Variants in FAT3 observed in about 807,000 individuals in gnomAD.
FAT3 encodes the protein protocadherin Fat 3.
FAT3 carries 95 observed loss-of-function variants against 310.2 expected under a neutral mutation model. That is an observed-to-expected ratio of 0.31 (90% CI 0.26 to 0.36). FAT3 has a LOEUF of 0.36. FAT3 is among the 10% of genes least tolerant of loss of function. FAT3 has a pLI of 1.00. For missense variants in FAT3, 5,408 were observed against 5,715.6 expected, an observed-to-expected ratio of 0.95 and a Z score of 1.74; for synonymous variants, 2,314 against 2,192.9, an observed-to-expected ratio of 1.06 and a Z score of -1.54.
chr11:92,800,212 A>T lies in FAT3; in HGVS notation c.7199A>T (p.Glu2400Val). The change falls in exon 10 of 28, where the codon GAG (glutamate) becomes GTG (valine). Residue 2400 changes from glutamate to valine, a missense_variant. Glu to Val is a moderately radical substitution (Grantham distance 121, BLOSUM62 -2). Coordinates refer to ENST00000525166, the MANE Select transcript of FAT3 (RefSeq NM_001367949.2). ...CCAGTTTTTAATCAGCTCATTTATG[A>T]GTCATATGTGAGTGAATTAGCCCCC... ...NPPVFNQLIY[E>V]SYVSELAPRG... is the part of the protein sequence containing the mutation. 6.2e-7 allele frequency: 1 copy of T among 1,613,986 alleles called. No homozygotes were observed. Among genetic ancestry groups the T allele is most frequent in the Non-Finnish European group, 8.5e-7 (1 of 1,179,864 alleles).
At chr11:92,782,566 T>G (rs1424342746) in intron 7 of FAT3, among the ~76,000 whole-genome samples, 1 of 152,112 alleles carries the variant, frequency 6.6e-6, no homozygotes, top group Non-Finnish European at 1.5e-5. Context: ...AAAAAGTAAT[T>G]AATTAATTAA....
At chr11:92,817,585 G>A (rs562794816) in intron 13 of FAT3, among the ~76,000 whole-genome samples, 2 of 152,166 alleles carry the variant, frequency 1.3e-5, no homozygotes, top group South Asian at 2.1e-4. Context: ...GAGAGATAGC[G>A]TCTTGAACCC....
intron 3 of FAT3, among the ~76,000 whole-genome samples, chr11:92,666,716 G>T (rs1942966293): frequency 6.6e-6 from 1 of 152,058 alleles, no homozygotes; most frequent in Non-Finnish European, 1.5e-5. Flanking sequence ...GAATTGTTCT[G>T]CTAAAGTGAG....
intron 3 of FAT3, among the ~76,000 whole-genome samples, chr11:92,653,672 T>C (rs1379848): frequency 0.26 from 39,260 of 152,144 alleles, 5,785 homozygotes; most frequent in Non-Finnish European, 0.33. Context: ...TTACATTAAT[T>C]GTTTCCATAT....
chr11:92,492,612 A>G (rs1952641861), intron 2 of FAT3, among the ~76,000 whole-genome samples: 1 of 151,944 alleles, frequency 6.6e-6, no homozygotes, highest in Non-Finnish European at 1.5e-5. Context: ...AAGGTTGATA[A>G]ATCCCTTCCT....
intron 2 of FAT3, among the ~76,000 whole-genome samples, chr11:92,407,610 A>T (rs1019695158): frequency 6.6e-6 from 1 of 152,116 alleles, no homozygotes; most frequent in Non-Finnish European, 1.5e-5. Context: ...ATCAGACTGA[A>T]ATCTAATGTA....
intron 3 of FAT3, among the ~76,000 whole-genome samples, chr11:92,544,448 T>C (rs1478511114): frequency 6.6e-6 from 1 of 152,164 alleles, no homozygotes; most frequent in Non-Finnish European, 1.5e-5. Flanking sequence ...ATATGAATGC[T>C]TCAAATTATC....
At chr11:92,836,802 T>TA in intron 16 of FAT3, 99 bp downstream of exon 16, 1 of 1,373,914 alleles carries the variant, frequency 7.3e-7, no homozygotes, top group Non-Finnish European at 9.9e-7. Flanking sequence ...AGTTCTCCAT[T>TA]CTAAGTAATG....
chr11:92,823,124 C>G (rs1948013722), intron 13 of FAT3, among the ~76,000 whole-genome samples: 1 of 152,120 alleles, frequency 6.6e-6, no homozygotes, highest in South Asian at 2.1e-4. Flanking sequence ...TTCTTTGTAT[C>G]CCCAGTGCCT....
intron 3 of FAT3, among the ~76,000 whole-genome samples, chr11:92,592,674 A>G (rs928887574): frequency 2.0e-5 from 3 of 152,150 alleles, no homozygotes; most frequent in African/African-American, 2.4e-5. Context: ...AAAACAAACT[A>G]TGTTTAAAAA....
intron 1 of FAT3, among the ~76,000 whole-genome samples, chr11:92,322,822 A>C (rs1242853289): frequency 2.0e-5 from 3 of 152,246 alleles, no homozygotes; most frequent in Non-Finnish European, 4.4e-5. Flanking sequence ...TGTTCCCACC[A>C]CATCTGCCGT....
rs756205074 is a variant in FAT3, at chr11:92,801,629, G to A, written c.8616G>A (p.Thr2872=). 1.5e-5 allele frequency: 24 copies of A among 1,613,512 alleles called. No individual in the cohort carries two copies. The Admixed American group carries it at 1.8e-4, about 12-fold the overall frequency. Residue 2872 remains threonine, a synonymous_variant, in exon 10 of 28, where the codon ACG becomes ACA. Transcript: ENST00000525166. ...VMEAFNIDSN[T]GWISTLKDLD... is the part of the protein sequence containing the mutation. ...AAGCATTCAATATTGACAGCAACAC[G>A]GGCTGGATCAGTACCTTGAAGGACC...
At chr11:92,845,286 T>C (rs185463339) in intron 19 of FAT3, among the ~76,000 whole-genome samples, 106 of 152,350 alleles carry the variant, frequency 7.0e-4, no homozygotes, top group African/African-American at 2.3e-3. Flanking sequence ...AGCCATTGGC[T>C]GATGAGAAGC....
rs116328326 is a variant in FAT3 at position 92,293,465 on chromosome 11, G to A, written c.-17-58631G>A. On this transcript the variant is annotated intron_variant, in intron 1 of 27. Coordinates refer to ENST00000525166, the MANE Select transcript of FAT3 (RefSeq NM_001367949.2). ...AAATTATAATCATACTCATGATCAC[G>A]TGACCCTGATATATAACCAGTTTTC... Among the ~76,000 whole-genome samples the A allele has an allele frequency of 9.0e-3, 1,303 of 144,954 alleles. 20 individuals carry two copies. Among genetic ancestry groups the A allele is most frequent in the African/African-American group, 0.031 (1,222 of 39,356 alleles).
intron 2 of FAT3, among the ~76,000 whole-genome samples, chr11:92,355,761 A>C (rs1048560650): frequency 3.3e-5 from 5 of 152,186 alleles, no homozygotes; most frequent in African/African-American, 1.2e-4. Context: ...ATTACATTTG[A>C]ATTGGCTTTA....
At chr11:92,738,919 T>C (rs2136019998) in intron 4 of FAT3, among the ~76,000 whole-genome samples, 1 of 152,238 alleles carries the variant, frequency 6.6e-6, no homozygotes, top group South Asian at 2.1e-4. Flanking sequence ...TTAAAGTGCT[T>C]GGAAGTAGTA....
chr11:92,589,135 A>T (rs543875995), intron 3 of FAT3, among the ~76,000 whole-genome samples: 1 of 152,100 alleles, frequency 6.6e-6, no homozygotes, highest in South Asian at 2.1e-4. Context: ...GGTCATAGGC[A>T]TGTCCATGTT....
chr11:92,868,266 C>T (rs1017914265), intron 22 of FAT3, among the ~76,000 whole-genome samples: 2 of 152,176 alleles, frequency 1.3e-5, no homozygotes, highest in African/African-American at 4.8e-5. Context: ...TATAAACTGT[C>T]CATGAAATGA....
At chr11:92,261,876 C>T (rs1476222070) in intron 1 of FAT3, among the ~76,000 whole-genome samples, 2 of 152,056 alleles carry the variant, frequency 1.3e-5, no homozygotes, top group African/African-American at 4.8e-5. Context: ...TAAAATTACC[C>T]ATATTTGTGG....
Sources: gnomAD v4.1 joint callset for allele counts (sites outside exome capture counted in the v4.1 genomes callset) on GRCh38, gnomAD v4.1.1 for gene constraint, MANE v1.5 for transcripts, NCBI Gene and HGNC (gene_info 2026-07-23, HGNC 2026-07-21) for gene names.